The following FIRRM variants were observed in gnomAD, a reference collection of about 807,000 sequenced individuals.
FIRRM encodes FIGNL1-interacting regulator of recombination and mitosis.
chr1:169,788,736 C>G, the FIRRM span, among the ~76,000 whole-genome samples: 1 of 152,260 alleles, frequency 6.6e-6, no homozygotes, highest in East Asian at 1.9e-4. Context: ...TTGCAGATCA[C>G]AAATTGGCCA....
the FIRRM span, among the ~76,000 whole-genome samples, chr1:169,812,870 AT>A: frequency 1.3e-5 from 2 of 152,058 alleles, no homozygotes; most frequent in African/African-American, 4.8e-5. Flanking sequence ...AAAAAAAAAA[AT>A]GATCAAAGAA....
chr1:169,793,293 T>C, the FIRRM span: 1 of 1,614,058 alleles, frequency 6.2e-7, no homozygotes, highest in Non-Finnish European at 8.5e-7. Flanking sequence ...TTCAACAAGA[T>C]GGTTTTCACT....
At chr1:169,795,196 G>A in the FIRRM span, 13 of 1,535,940 alleles carry the variant, frequency 8.5e-6, no homozygotes, top group East Asian at 2.4e-5. Flanking sequence ...ACTGCCGTCC[G>A]TCCTGCCCCG....
At chr1:169,810,390 T>G in the FIRRM span, among the ~76,000 whole-genome samples, 1 of 152,146 alleles carries the variant, frequency 6.6e-6, no homozygotes, top group Admixed American at 6.6e-5. Context: ...ACAATAGAAT[T>G]TTATTCTCTC....
the FIRRM span, chr1:169,853,901 A>AAAT: frequency 7.0e-6 from 7 of 1,004,110 alleles, no homozygotes; most frequent in Non-Finnish European, 1.0e-5. Flanking sequence ...GTACTAAGTA[A>AAAT]AATAACTTAG....
the FIRRM span, chr1:169,823,262 AAG>A: frequency 2.1e-6 from 1 of 483,178 alleles, no homozygotes. Flanking sequence ...AAAAAAAAAA[AAG>A]AAAAGAAAAG....
the FIRRM span, chr1:169,832,616 T>A: frequency 3.7e-6 from 3 of 807,308 alleles, no homozygotes; most frequent in South Asian, 5.0e-5. Context: ...CTTATTATTT[T>A]TTTTGAGACA....
the FIRRM span, among the ~76,000 whole-genome samples, chr1:169,845,044 T>C: frequency 6.6e-6 from 1 of 152,166 alleles, no homozygotes; most frequent in South Asian, 2.1e-4. Flanking sequence ...GAGAAAAAGC[T>C]TACCAGTCCT....
At chr1:169,792,628 A>G in the FIRRM span, 10 of 1,599,022 alleles carry the variant, frequency 6.3e-6, no homozygotes, top group South Asian at 1.0e-4. Context: ...TCAATCCTTC[A>G]TCAATTATTT....
At chr1:169,799,551 A>AT in the FIRRM span, among the ~76,000 whole-genome samples, 1 of 151,180 alleles carries the variant, frequency 6.6e-6, no homozygotes, top group Non-Finnish European at 1.5e-5. Flanking sequence ...ATGGGACCTA[A>AT]TTTTTTTTTC....
At chr1:169,852,045 A>C in the FIRRM span, 1 of 1,450,568 alleles carries the variant, frequency 6.9e-7, no homozygotes, top group Non-Finnish European at 9.6e-7. Flanking sequence ...TGAATTTCAA[A>C]TCAAATAGAT....
At chr1:169,823,231 CAA>C in the FIRRM span, among the ~76,000 whole-genome samples, 1 of 139,410 alleles carries the variant, frequency 7.2e-6, no homozygotes, top group African/African-American at 2.7e-5. Context: ...GCCTGGGCAA[CAA>C]GAGTGAAACG....
At chr1:169,840,511 CTTTTTTTT>C in the FIRRM span, among the ~76,000 whole-genome samples, 1 of 141,594 alleles carries the variant, frequency 7.1e-6, no homozygotes, top group Non-Finnish European at 1.5e-5. Flanking sequence ...TTTCTTTTTT[CTTTTTTTT>C]TTTTTTGTTG....
chr1:169,840,746 G>A, the FIRRM span, among the ~76,000 whole-genome samples: 1 of 152,082 alleles, frequency 6.6e-6, no homozygotes, highest in African/African-American at 2.4e-5. Flanking sequence ...TCCTGACATT[G>A]TGATCCACCC....
the FIRRM span, among the ~76,000 whole-genome samples, chr1:169,812,241 A>C: frequency 6.6e-6 from 1 of 152,228 alleles, no homozygotes; most frequent in Non-Finnish European, 1.5e-5. Context: ...GCAAACAAAT[A>C]AGTTGTGTGT....
At chr1:169,798,844 A>ATTT in the FIRRM span, 1 of 820,304 alleles carries the variant, frequency 1.2e-6, no homozygotes, top group Non-Finnish European at 1.7e-6. Context: ...AAAGGGTTTT[A>ATTT]TTTTTTTTTT....
the FIRRM span, chr1:169,795,584 G>T: frequency 3.9e-6 from 4 of 1,031,204 alleles, no homozygotes; most frequent in Non-Finnish European, 4.7e-6. Context: ...GCGGTATGAC[G>T]ATAGCTCTGG....
At chr1:169,792,597 T>G in the FIRRM span, 1 of 1,553,926 alleles carries the variant, frequency 6.4e-7, no homozygotes, top group South Asian at 1.2e-5. Context: ...AACTTAAAAG[T>G]TATTTCAATT....
At chr1:169,841,387 G>A in the FIRRM span, among the ~76,000 whole-genome samples, 1 of 152,142 alleles carries the variant, frequency 6.6e-6, no homozygotes, top group African/African-American at 2.4e-5. Flanking sequence ...TCTAGAACAT[G>A]TTTATTTGTA....
Sources: gnomAD v4.1 joint callset for allele counts (sites outside exome capture counted in the v4.1 genomes callset) on GRCh38, gnomAD v4.1.1 for gene constraint, MANE v1.5 for transcripts, NCBI Gene and HGNC (gene_info 2026-07-23, HGNC 2026-07-21) for gene names.